CACNA2D3: variants seen among roughly 807,000 people sequenced by gnomAD.
CACNA2D3 encodes the protein voltage-dependent calcium channel subunit alpha-2/delta-3.
Under a neutral mutation model 160.6 loss-of-function variants are expected in CACNA2D3, and 60 were observed. That is an observed-to-expected ratio of 0.37 (90% CI 0.30 to 0.46). The LOEUF is 0.46. CACNA2D3 is among the 20% of genes least tolerant of loss of function. The pLI, the probability that CACNA2D3 is intolerant of heterozygous loss-of-function variation, is 1.00. For synonymous variants in CACNA2D3, 558 were observed against 492.9 expected, an observed-to-expected ratio of 1.13 and a Z score of -1.75; for missense variants, 1,205 against 1,365.0, an observed-to-expected ratio of 0.88 and a Z score of 1.85.
At chr3:54,810,146 A>G (rs558615522) in intron 13 of CACNA2D3, among the ~76,000 whole-genome samples, 1 of 152,290 alleles carries the variant, frequency 6.6e-6, no homozygotes, top group East Asian at 1.9e-4. Flanking sequence ...GCATTAACCA[A>G]CCAGAGGAAA....
intron 2 of CACNA2D3, among the ~76,000 whole-genome samples, chr3:54,180,409 G>A (rs1380062489): frequency 6.6e-6 from 1 of 152,144 alleles, no homozygotes; most frequent in African/African-American, 2.4e-5. Flanking sequence ...TCTGTCGACC[G>A]AGTGAATGAG....
intron 17 of CACNA2D3, among the ~76,000 whole-genome samples, chr3:54,859,699 A>G (rs1222381460): frequency 6.6e-6 from 1 of 152,112 alleles, no homozygotes; most frequent in Non-Finnish European, 1.5e-5. Flanking sequence ...CAGAAATCCC[A>G]AATGACAAAC....
chr3:54,477,162 A>C (rs1001834867), intron 4 of CACNA2D3, among the ~76,000 whole-genome samples: 1 of 152,164 alleles, frequency 6.6e-6, no homozygotes, highest in East Asian at 1.9e-4. Context: ...GATAATTCTC[A>C]TGGGGTATTA....
intron 30 of CACNA2D3, among the ~76,000 whole-genome samples, chr3:54,986,684 G>A (rs558288170): frequency 7.9e-4 from 121 of 152,266 alleles, no homozygotes; most frequent in Non-Finnish European, 1.2e-3. Flanking sequence ...TTAATACAAA[G>A]CCTACGGAAT....
At chr3:54,577,319 T>C (rs1187169321) in intron 8 of CACNA2D3, among the ~76,000 whole-genome samples, 1 of 152,154 alleles carries the variant, frequency 6.6e-6, no homozygotes, top group African/African-American at 2.4e-5. Context: ...TGGCTCCCTA[T>C]CTGCCAAAGA....
chr3:54,570,071 A>G lies in CACNA2D3; in HGVS notation c.855A>G (p.Thr285=). The G allele has an allele frequency of 1.2e-6, 2 of 1,613,882 alleles. No homozygotes were observed. Among genetic ancestry groups the G allele is most frequent in the South Asian group, 1.1e-5 (1 of 91,086 alleles). ...AKQTVSSILD[T]LGDDDFFNII... is the part of the protein sequence containing the mutation. ...AAACAGTCTCATCCATTTTGGATAC[A>G]CTTGGGGATGATGACTTCTTCAACA... Residue 285 remains threonine (T), a synonymous_variant, in exon 8 of 38, where the codon ACA becomes ACG. Transcript: ENST00000474759.
At chr3:54,785,402 TC>T (rs1019827080) in intron 13 of CACNA2D3, among the ~76,000 whole-genome samples, 9 of 152,198 alleles carry the variant, frequency 5.9e-5, no homozygotes, top group African/African-American at 2.2e-4. Flanking sequence ...CAGTCTGTGA[TC>T]CCTCCCATCA....
chr3:54,952,198 T>C (rs1701775135), intron 27 of CACNA2D3, among the ~76,000 whole-genome samples: 1 of 152,232 alleles, frequency 6.6e-6, no homozygotes, highest in Non-Finnish European at 1.5e-5. Context: ...TCTATACTAT[T>C]TCTTCCCTCT....
At chr3:54,336,521 G>T (rs914709805) in intron 3 of CACNA2D3, among the ~76,000 whole-genome samples, 1 of 152,166 alleles carries the variant, frequency 6.6e-6, no homozygotes, top group Non-Finnish European at 1.5e-5. Context: ...GAGCCCAAGG[G>T]TCACACGCTC....
intron 31 of CACNA2D3, among the ~76,000 whole-genome samples, chr3:54,992,780 GA>G (rs5849065): frequency 0.36 from 49,777 of 137,254 alleles, 9,587 homozygotes; most frequent in Admixed American, 0.54. Context: ...TGAACAACAA[GA>G]AAAAAAAAAA....
Position 54,123,514 on chromosome 3 carries a change from G to A in CACNA2D3, c.124G>A (p.Val42Met), listed in dbSNP as rs372027838. Residue 42 changes from valine to methionine, a missense_variant and splice_region_variant, in exon 2 of 38, where the codon GTG (valine) becomes ATG (methionine). By Grantham distance (21) the Val-to-Met change is conservative. Around this residue, in one of 3 missense-constraint regions of CACNA2D3, gnomAD observed 163 missense variants for 161.3 expected, o/e 1.01. Coordinates refer to ENST00000474759, the MANE Select transcript of CACNA2D3 (RefSeq NM_018398.3). ...RSEQQIPLSV[V>M]KLWASAFGGE... Reference sequence around the variant, plus strand: ...TTCCTGTGCCCCTTCTCCCTGTAGGGTGAAGCTCTGGGCCTCGGCTTTTGG... The same window carrying A: ...TTCCTGTGCCCCTTCTCCCTGTAGGATGAAGCTCTGGGCCTCGGCTTTTGG... The A allele has an allele frequency of 2.6e-5, 42 of 1,613,284 alleles. No individual in the cohort carries two copies. The highest frequency in any genetic ancestry group is 3.5e-5 in the Non-Finnish European group (41 of 1,179,410).
chr3:54,491,445 G>C (rs2106921303), intron 4 of CACNA2D3, among the ~76,000 whole-genome samples: 1 of 152,320 alleles, frequency 6.6e-6, no homozygotes, highest in South Asian at 2.1e-4. Flanking sequence ...CTCAGCCTGG[G>C]CTGCACATTG....
chr3:54,460,812 G>A (rs1700489578), intron 4 of CACNA2D3, among the ~76,000 whole-genome samples: 1 of 152,152 alleles, frequency 6.6e-6, no homozygotes, highest in Non-Finnish European at 1.5e-5. Context: ...CCAACACTAT[G>A]TTGAATAGGA....
intron 2 of CACNA2D3, among the ~76,000 whole-genome samples, chr3:54,317,769 C>A (rs961448442): frequency 6.6e-6 from 1 of 152,116 alleles, no homozygotes; most frequent in African/African-American, 2.4e-5. Context: ...GAACTCCTGA[C>A]CTCAGGTGAT....
intron 2 of CACNA2D3, among the ~76,000 whole-genome samples, chr3:54,216,693 A>T (rs1488899486): frequency 6.6e-6 from 1 of 152,252 alleles, no homozygotes; most frequent in African/African-American, 2.4e-5. Context: ...AACTGAGCAC[A>T]CTTGAAGGAC....
At chr3:54,896,710 T>A (rs767815442) in intron 25 of CACNA2D3, 39 bp from the exon 26 acceptor site, 3 of 1,613,806 alleles carry the variant, frequency 1.9e-6, no homozygotes, top group East Asian at 4.5e-5. Context: ...TTTACTCTGC[T>A]GAGTGATGCA....
intron 4 of CACNA2D3, among the ~76,000 whole-genome samples, chr3:54,453,001 T>C (rs1301658648): frequency 6.6e-6 from 1 of 151,952 alleles, no homozygotes; most frequent in African/African-American, 2.4e-5. Context: ...CTCTTTCTCC[T>C]CTTTCTTTCT....
At chr3:54,858,301 C>G (rs1461588807) in intron 17 of CACNA2D3, among the ~76,000 whole-genome samples, 1 of 152,046 alleles carries the variant, frequency 6.6e-6, no homozygotes. Context: ...GTGCTGGCTT[C>G]TAACTTGCCC....
At chr3:54,430,285 A>AT (rs1699970194) in intron 4 of CACNA2D3, among the ~76,000 whole-genome samples, 1 of 152,122 alleles carries the variant, frequency 6.6e-6, no homozygotes, top group Admixed American at 6.5e-5. Flanking sequence ...TTGTGTTGCT[A>AT]TTTTTTACTT....
Sources: allele counts gnomAD v4.1 joint callset (sites outside exome capture counted in the v4.1 genomes callset), GRCh38; gene constraint gnomAD v4.1.1; regional missense constraint gnomAD v4.1.1; transcripts MANE v1.5; gene names NCBI Gene and HGNC (gene_info 2026-07-23, HGNC 2026-07-21).